AGGF1: variants seen among roughly 807,000 people sequenced by gnomAD.
The protein encoded by AGGF1 is angiogenic factor with G patch and FHA domains 1.
AGGF1 carries 56 observed loss-of-function variants against 86.5 expected under a neutral mutation model. That is an observed-to-expected ratio of 0.65 (90% CI 0.52 to 0.81). The LOEUF is 0.81. AGGF1 is among the 30% of genes least tolerant of loss of function. The probability of loss-of-function intolerance (pLI) is 0.00; values close to 1 mark genes in which losing one functional copy is unlikely to be tolerated. For missense variants in AGGF1, 816 were observed against 850.9 expected (o/e 0.96, Z 0.51); for synonymous variants, 313 against 297.1 (o/e 1.05, Z -0.55).
intron 4 of AGGF1, 103 bp downstream of exon 4, chr5:77,036,823 C>A: frequency 7.7e-7 from 1 of 1,291,288 alleles, no homozygotes; most frequent in Non-Finnish European, 1.1e-6. Context: ...CTGCAACTTT[C>A]ACCCCCCAGG....
At chr5:77,058,722 A>G (rs1459882437) in intron 11 of AGGF1, among the ~76,000 whole-genome samples, 1 of 152,190 alleles carries the variant, frequency 6.6e-6, no homozygotes, top group Non-Finnish European at 1.5e-5. Context: ...CTGGATGAGT[A>G]TCATACTTTT....
rs751520753 is a variant in AGGF1, at chr5:77,034,482, A to G, written c.275A>G (p.Glu92Gly). The G allele has an allele frequency of 6.8e-6, 11 of 1,613,362 alleles. No homozygotes were observed. The East Asian group carries it at 2.0e-4, about 29-fold the overall frequency. Residue 92 changes from glutamate (E) to glycine (G), a missense_variant, in exon 2 of 14, where the codon GAA becomes GGA. Physicochemically the swap from Glu to Gly is moderately conservative, Grantham distance 98. This residue lies in a region of AGGF1 where 240 missense variants were observed against 234.4 expected (regional missense o/e 1.02). Coordinates refer to ENST00000312916, the MANE Select transcript of AGGF1 (RefSeq NM_018046.5). ...GAAGATAATAAAAAGTCTGATGTAG[A>G]AGTACAAACAGAGAACCATGCTCCT... ...RNEDNKKSDV[E>G]VQTENHAPWS...
At chr5:77,049,092 A>T in intron 8 of AGGF1, 105 bp downstream of exon 8, 1 of 1,079,232 alleles carries the variant, frequency 9.3e-7, no homozygotes, top group Non-Finnish European at 1.4e-6. Flanking sequence ...GAAGGTTAAC[A>T]TGCAGTGTAG....
chr5:77,059,699 T>A lies in AGGF1; in HGVS notation c.1800T>A (p.Ser600Arg), dbSNP rs199715425. The A allele has an allele frequency of 1.4e-4, 225 of 1,613,710 alleles. No individual in the cohort carries two copies. Among genetic ancestry groups the A allele is most frequent in the Non-Finnish European group, 1.6e-4 (193 of 1,179,780 alleles). Residue 600 changes from serine to arginine, a missense_variant, in exon 12 of 14, where the codon AGT (serine) becomes AGA (arginine). This residue lies in a region of AGGF1 where 565 missense variants were observed against 585.8 expected (regional missense o/e 0.96). Transcript: ENST00000312916. ...RAGKRREQVG[S>R]EGTFQRDDAP... ...GAAAACGTAGGGAGCAGGTTGGAAG[T>A]GAAGGAACTTTCCAAAGAGATGATG...
intron 1 of AGGF1, among the ~76,000 whole-genome samples, chr5:77,031,392 C>T (rs1225119541): frequency 6.6e-6 from 1 of 152,168 alleles, no homozygotes; most frequent in East Asian, 1.9e-4. Flanking sequence ...AGAATGATAG[C>T]TCACAGTAGT....
intron 10 of AGGF1, 130 bp downstream of exon 10, chr5:77,054,260 C>A: frequency 9.0e-7 from 1 of 1,117,306 alleles, no homozygotes; most frequent in Non-Finnish European, 1.3e-6. Flanking sequence ...ATATTTTATA[C>A]AAAGCTATCA....
chr5:77,033,048 C>T (rs965538258), intron 1 of AGGF1, among the ~76,000 whole-genome samples: 7 of 152,310 alleles, frequency 4.6e-5, no homozygotes, highest in African/African-American at 1.7e-4. Context: ...ATCTGTCCTC[C>T]ACATGCCTCC....
chr5:77,048,028 A>T, intron 6 of AGGF1, 133 bp from the exon 7 acceptor site: 1 of 699,760 alleles, frequency 1.4e-6, no homozygotes, highest in South Asian at 1.5e-5. Context: ...AGCAGAATTT[A>T]AGAAGTTTGT....
Position 77,030,878 on chromosome 5 carries a change from A to G in AGGF1, c.112A>G (p.Ser38Gly), listed in dbSNP as rs1305446794. The G allele has an allele frequency of 1.9e-6, 3 of 1,613,516 alleles. No homozygotes were observed. The highest frequency in any genetic ancestry group is 2.5e-6 in the Non-Finnish European group (3 of 1,180,006). Residue 38 changes from serine (S) to glycine (G), a missense_variant, in exon 1 of 14, where the codon AGC becomes GGC. Physicochemically the swap from Ser to Gly is moderately conservative, Grantham distance 56. Around this residue, in one of 3 missense-constraint regions of AGGF1, gnomAD observed 240 missense variants for 234.4 expected, o/e 1.02. Transcript: ENST00000312916. ...GGAGAAGTTGGAACGTGAACTGCGG[A>G]GCTGCAAGCGGCAGGTGCGGGAGAT... ...KVEKLERELR[S>G]CKRQVREIEK... is the part of the protein sequence containing the mutation.
At chr5:77,055,450 A>G in intron 10 of AGGF1, 64 bp from the exon 11 acceptor site, 1 of 1,014,970 alleles carries the variant, frequency 9.9e-7, no homozygotes, top group Non-Finnish European at 1.5e-6. Flanking sequence ...AAATAACATT[A>G]GTTTTAATTT....
chr5:77,045,624 C>T (rs1418781129), intron 5 of AGGF1, among the ~76,000 whole-genome samples: 2 of 152,146 alleles, frequency 1.3e-5, no homozygotes, highest in Non-Finnish European at 2.9e-5. Context: ...TTTAGCAAAA[C>T]TACAATTTTG....
chr5:77,059,868 G>A (rs1411834639), intron 12 of AGGF1, 125 bp downstream of exon 12: 7 of 1,252,134 alleles, frequency 5.6e-6, no homozygotes, highest in African/African-American at 3.0e-5. Context: ...ATGAGATGGA[G>A]TCTTGCTCCG....
In AGGF1 at chr5:77,053,956, C is replaced by CGAA. The variant is rs779914178; in HGVS notation, c.1468-9_1468-8insGAA. The stretch of plus-strand genomic sequence containing the variant: ...TTGATTTCTGTTTTGTAAAATGTTT[C>CGAA]CCCTCTAGCCGAAAACTAAATGTGA... On this transcript the variant is annotated splice_polypyrimidine_tract_variant and intron_variant, in intron 9 of 13. Coordinates refer to ENST00000312916, the MANE Select transcript of AGGF1 (RefSeq NM_018046.5). 2.0e-5 allele frequency: 33 copies of CGAA among 1,613,590 alleles called. 1 individual carries two copies. In the Middle Eastern group the frequency reaches 5.0e-4, roughly 24 times the overall value.
intron 9 of AGGF1, 46 bp from the exon 10 acceptor site, chr5:77,053,919 T>C (rs1362334758): frequency 1.3e-6 from 2 of 1,584,412 alleles, no homozygotes. Flanking sequence ...AAGGTAACCA[T>C]AAGTGATTGT....
At chr5:77,046,138 A>G (rs1747242881) in intron 5 of AGGF1, among the ~76,000 whole-genome samples, 1 of 152,196 alleles carries the variant, frequency 6.6e-6, no homozygotes, top group Non-Finnish European at 1.5e-5. Flanking sequence ...AGAGATAACT[A>G]TAGGATTTTT....
At position 77,035,485 on chromosome 5, in the gene AGGF1, C is replaced by T. The variant is rs909865303; in HGVS notation, c.314-56C>T. The T allele has an allele frequency of 7.3e-6, 10 of 1,373,284 alleles. No individual in the cohort carries two copies. In the African/African-American group the frequency reaches 1.3e-4, roughly 18 times the overall value. 85.1% of individuals were successfully genotyped at this position (1,373,284 alleles called of 1,614,324 possible). ...AATGCCAGTGTTTTGTAGTTAAGTC[C>T]TTTTTATATACATTATTCTAATATG... On this transcript the variant is annotated intron_variant, in intron 2 of 13. Transcript: ENST00000312916.
rs143410653 is a variant in AGGF1, at chr5:77,037,941, A to G, written c.681+1221A>G. Among the ~76,000 whole-genome samples the G allele has an allele frequency of 3.6e-3, 554 of 152,316 alleles. 4 individuals are homozygous for G. The highest frequency in any genetic ancestry group is 0.013 in the African/African-American group (524 of 41,576). Reference sequence around the variant, plus strand: ...AAGTCTAATAATTATATTTCGTTGAAGATTTGATGACAATGATAGAACTCA... The same window carrying G: ...AAGTCTAATAATTATATTTCGTTGAGGATTTGATGACAATGATAGAACTCA... On this transcript the variant is annotated intron_variant, in intron 4 of 13. Coordinates refer to ENST00000312916, the MANE Select transcript of AGGF1 (RefSeq NM_018046.5).
In AGGF1 at chr5:77,030,636, C is replaced by A; in HGVS notation, c.-131C>A. Reference sequence around the variant, plus strand: ...AGTTTCAGGGCGTCATGGCCAGGGGCCACCGCGGCCAGCCGGGTGTGAGGC... The same window carrying A: ...AGTTTCAGGGCGTCATGGCCAGGGGACACCGCGGCCAGCCGGGTGTGAGGC... On this transcript the variant is annotated 5_prime_UTR_variant, in exon 1 of 14. Transcript: ENST00000312916. 9.6e-7 allele frequency: 1 copy of A among 1,044,842 alleles called. No individual in the cohort carries two copies. Among genetic ancestry groups the A allele is most frequent in the Non-Finnish European group, 1.4e-6 (1 of 701,234 alleles). 64.7% of individuals were successfully genotyped at this position (1,044,842 alleles called of 1,614,324 possible).
Position 77,030,635 on chromosome 5 carries a change from G to A in AGGF1, c.-132G>A, listed in dbSNP as rs1205570599. On this transcript the variant is annotated 5_prime_UTR_variant, in exon 1 of 14. Transcript: ENST00000312916. Reference sequence around the variant, plus strand: ...GAGTTTCAGGGCGTCATGGCCAGGGGCCACCGCGGCCAGCCGGGTGTGAGG... The same window carrying A: ...GAGTTTCAGGGCGTCATGGCCAGGGACCACCGCGGCCAGCCGGGTGTGAGG... 9.7e-7 allele frequency: 1 copy of A among 1,033,270 alleles called. No individual in the cohort carries two copies. Among genetic ancestry groups the A allele is most frequent in the South Asian group, 1.4e-5 (1 of 73,158 alleles). 64.0% of individuals were successfully genotyped at this position (1,033,270 alleles called of 1,614,324 possible).
Sources: gnomAD v4.1 joint callset for allele counts (sites outside exome capture counted in the v4.1 genomes callset) on GRCh38, gnomAD v4.1.1 for gene constraint, gnomAD v4.1.1 regional missense constraint, MANE v1.5 for transcripts, NCBI Gene and HGNC (gene_info 2026-07-23, HGNC 2026-07-21) for gene names.